Variants in CNTN5 observed in about 807,000 individuals in gnomAD.
The protein encoded by CNTN5 is contactin-5.
Under a neutral mutation model 129.1 loss-of-function variants are expected in CNTN5, and 77 were observed. The ratio of observed to expected loss-of-function variants is 0.60; its 90% CI spans 0.50 to 0.72. CNTN5 has a LOEUF of 0.72. Ranked by LOEUF, CNTN5 falls within the 30% of genes least tolerant of loss-of-function variation. The pLI is 0.00. For synonymous variants in CNTN5, 509 were observed against 465.6 expected, an observed-to-expected ratio of 1.09 and a Z score of -1.20; for missense variants, 1,478 against 1,328.8, an observed-to-expected ratio of 1.11 and a Z score of -1.75.
At chr11:100,139,756 C>T (rs201063966) in intron 13 of CNTN5, among the ~76,000 whole-genome samples, 3 of 151,912 alleles carry the variant, frequency 2.0e-5, no homozygotes, top group Admixed American at 1.3e-4. Flanking sequence ...CCCAGCTACT[C>T]GGGAGGCTGA....
intron 7 of CNTN5, among the ~76,000 whole-genome samples, chr11:99,939,045 T>C (rs1950376375): frequency 6.6e-6 from 1 of 152,118 alleles, no homozygotes; most frequent in Admixed American, 6.6e-5. Flanking sequence ...CTACCTTTTA[T>C]TGAGCTGATT....
At chr11:99,257,914 G>T (rs1862449323) in intron 1 of CNTN5, among the ~76,000 whole-genome samples, 1 of 152,020 alleles carries the variant, frequency 6.6e-6, no homozygotes, top group Non-Finnish European at 1.5e-5. Flanking sequence ...TCTGAAAGAA[G>T]TATCATTCCT....
chr11:99,412,507 T>C (rs1333803895), intron 2 of CNTN5, among the ~76,000 whole-genome samples: 1 of 152,058 alleles, frequency 6.6e-6, no homozygotes, highest in Non-Finnish European at 1.5e-5. Context: ...CTCACCTCCA[T>C]CATCATCATC....
At chr11:100,165,184 T>C (rs773826952) in intron 13 of CNTN5, among the ~76,000 whole-genome samples, 12 of 151,768 alleles carry the variant, frequency 7.9e-5, no homozygotes, top group Admixed American at 2.0e-4. Flanking sequence ...GAGACTCAGA[T>C]TCTCATCTAC....
chr11:100,102,539 T>C (rs775443151), intron 13 of CNTN5, among the ~76,000 whole-genome samples: 32 of 151,074 alleles, frequency 2.1e-4, no homozygotes, highest in Non-Finnish European at 4.0e-4. Flanking sequence ...AATACAGTTT[T>C]CCAGAGGTCA....
rs1418418086 is a variant in CNTN5 at position 99,956,854 on chromosome 11, A to G, written c.722A>G (p.Glu241Gly). 1.2e-6 allele frequency: 2 copies of G among 1,613,912 alleles called. No homozygotes were observed. The highest frequency in any genetic ancestry group is 1.7e-6 in the Non-Finnish European group (2 of 1,179,862). ...VFNEFPSFVA[E>G]DSRRFISQET... is the part of the protein sequence containing the mutation. ...AATGAGTTCCCTTCCTTTGTGGCGGAAGACAGCCGGCGGTTCATCTCCCAG... is the reference window on the plus strand; with the variant it reads ...AATGAGTTCCCTTCCTTTGTGGCGGGAGACAGCCGGCGGTTCATCTCCCAG... Residue 241 changes from glutamate (E) to glycine (G), a missense_variant, in exon 8 of 25, where the codon GAA (glutamate) becomes GGA (glycine). By Grantham distance (98) the Glu-to-Gly change is moderately conservative. Coordinates refer to ENST00000524871, the MANE Select transcript of CNTN5 (RefSeq NM_014361.4).
chr11:99,586,088 T>G (rs1025752638), intron 3 of CNTN5, among the ~76,000 whole-genome samples: 1 of 152,264 alleles, frequency 6.6e-6, no homozygotes. Context: ...TTTAATTAAA[T>G]CCCGTTCCAA....
chr11:99,675,858 T>C (rs1221582777), intron 3 of CNTN5, among the ~76,000 whole-genome samples: 1 of 152,216 alleles, frequency 6.6e-6, no homozygotes, highest in East Asian at 1.9e-4. Flanking sequence ...GTATATCATT[T>C]CATTTCCTTG....
chr11:99,196,179 T>G lies in CNTN5; in HGVS notation c.-209-129167T>G, dbSNP rs536518024. On this transcript the variant is annotated intron_variant, in intron 1 of 24. Coordinates refer to ENST00000524871, the MANE Select transcript of CNTN5 (RefSeq NM_014361.4). ...CAGTAAAAAAAAAAATAGTGTGTTT[T>G]AGCTAAAACAATAATTAAACAACAA... Among the ~76,000 whole-genome samples, 16 of 152,034 alleles carry G rather than the reference T, an allele frequency of 1.1e-4. 1 individual carries two copies. In the South Asian group the frequency reaches 3.3e-3, roughly 32 times the overall value.
At chr11:99,465,373 A>G (rs1944890171) in intron 2 of CNTN5, among the ~76,000 whole-genome samples, 1 of 152,218 alleles carries the variant, frequency 6.6e-6, no homozygotes, top group Admixed American at 6.5e-5. Flanking sequence ...GAAATAATAC[A>G]GTGATATCAA....
intron 1 of CNTN5, among the ~76,000 whole-genome samples, chr11:99,260,113 G>C (rs1180597300): frequency 6.6e-6 from 1 of 151,626 alleles, no homozygotes; most frequent in Non-Finnish European, 1.5e-5. Context: ...TTTTAAATCT[G>C]TATGTAGTCT....
At chr11:99,581,974 T>G (rs1949617166) in intron 3 of CNTN5, among the ~76,000 whole-genome samples, 1 of 152,110 alleles carries the variant, frequency 6.6e-6, no homozygotes. Context: ...CAGTTGTTCC[T>G]TTCCATGTTT....
chr11:99,314,080 C>T (rs367848474), intron 1 of CNTN5, among the ~76,000 whole-genome samples: 211 of 151,870 alleles, frequency 1.4e-3, no homozygotes, highest in African/African-American at 4.9e-3. Context: ...GCTGTTTAGA[C>T]GTGTATAAAC....
chr11:99,297,018 T>C (rs1864416565), intron 1 of CNTN5, among the ~76,000 whole-genome samples: 3 of 152,204 alleles, frequency 2.0e-5, no homozygotes, highest in Admixed American at 1.3e-4. Flanking sequence ...TACTGAGCTA[T>C]AGCACAGGGC....
At chr11:99,513,515 A>C (rs1261124474) in intron 2 of CNTN5, among the ~76,000 whole-genome samples, 1 of 152,162 alleles carries the variant, frequency 6.6e-6, no homozygotes, top group Non-Finnish European at 1.5e-5. Flanking sequence ...AAGCTTCAAA[A>C]TACAGGCAGC....
intron 3 of CNTN5, among the ~76,000 whole-genome samples, chr11:99,808,643 C>G (rs933471928): frequency 1.3e-5 from 2 of 152,148 alleles, no homozygotes; most frequent in African/African-American, 4.8e-5. Flanking sequence ...TGCAGGGATT[C>G]CTAGGCAACT....
At chr11:100,071,230 G>C (rs2137869538) in intron 11 of CNTN5, among the ~76,000 whole-genome samples, 1 of 152,160 alleles carries the variant, frequency 6.6e-6, no homozygotes, top group South Asian at 2.1e-4. Context: ...TTTGGGAAGT[G>C]AGTGAAAATG....
chr11:100,013,164 A>C (rs1355760998), intron 9 of CNTN5, among the ~76,000 whole-genome samples: 1 of 152,152 alleles, frequency 6.6e-6, no homozygotes, highest in Non-Finnish European at 1.5e-5. Flanking sequence ...GCTGTGGAGT[A>C]ATAGTCAATG....
At chr11:99,545,083 C>T (rs770130704) in intron 2 of CNTN5, among the ~76,000 whole-genome samples, 2 of 152,164 alleles carry the variant, frequency 1.3e-5, no homozygotes, top group Admixed American at 6.5e-5. Context: ...TTACAGAATA[C>T]GTTCCCAAGT....
Sources: gnomAD v4.1 joint callset for allele counts (sites outside exome capture counted in the v4.1 genomes callset) on GRCh38, gnomAD v4.1.1 for gene constraint, MANE v1.5 for transcripts, NCBI Gene and HGNC (gene_info 2026-07-23, HGNC 2026-07-21) for gene names.